ERC2: variants seen among roughly 807,000 people sequenced by gnomAD.
ERC2 encodes the protein ERC protein 2.
ERC2 carries 42 observed loss-of-function variants against 114.8 expected under a neutral mutation model. The observed-to-expected ratio is 0.37, with a 90% CI of 0.29 to 0.47. The LOEUF (loss-of-function observed/expected upper bound fraction) is 0.47, where lower values mean the gene tolerates loss of function less well. Among genes scored for constraint, ERC2 ranks in the 20% least tolerant of loss-of-function variants. ERC2 has a pLI of 0.99. For synonymous variants in ERC2, 454 were observed against 425.5 expected (o/e 1.07, Z -0.82); for missense variants, 939 against 1,150.7 (o/e 0.82, Z 2.66).
chr3:55,813,948 G>C (rs1329060464), intron 14 of ERC2, among the ~76,000 whole-genome samples: 1 of 152,120 alleles, frequency 6.6e-6, no homozygotes. Flanking sequence ...TACTGGGAAT[G>C]CTACAAAACC....
chr3:56,144,982 C>A (rs183321298), intron 5 of ERC2, among the ~76,000 whole-genome samples: 105 of 152,190 alleles, frequency 6.9e-4, no homozygotes, highest in Middle Eastern at 3.4e-3. Flanking sequence ...CTGTGACAGC[C>A]AGAAGAAAAG....
intron 3 of ERC2, among the ~76,000 whole-genome samples, chr3:56,215,706 C>CACT (rs2049416457): frequency 6.6e-6 from 1 of 152,212 alleles, no homozygotes; most frequent in Admixed American, 6.5e-5. Context: ...CTCAACACCA[C>CACT]ACTGCGCTTA....
At chr3:56,368,175 C>CT (rs750386743) in intron 2 of ERC2, among the ~76,000 whole-genome samples, 196 of 135,024 alleles carry the variant, frequency 1.5e-3, no homozygotes, top group South Asian at 2.7e-3. Context: ...TGAAATTATT[C>CT]TTTTTTTTTT....
chr3:55,580,043 A>G (rs1301192521), intron 17 of ERC2, among the ~76,000 whole-genome samples: 1 of 152,256 alleles, frequency 6.6e-6, no homozygotes, highest in Non-Finnish European at 1.5e-5. Flanking sequence ...AGAATTCAAA[A>G]GGTGATATGA....
In ERC2 at chr3:56,266,138, T is replaced by C. The variant is rs560161722; in HGVS notation, c.1074+29881A>G. Among the ~76,000 whole-genome samples, 8 of 147,774 alleles carry C rather than the reference T, an allele frequency of 5.4e-5. No homozygotes were observed. In the South Asian group the frequency reaches 1.5e-3, roughly 28 times the overall value. On this transcript the variant is annotated intron_variant, in intron 3 of 17. Transcript: ENST00000288221. Reference sequence around the variant, plus strand: ...AAAAACACAAATAACTAGATTTTTTTTTTTTTTTTTGAGACGGAGTCTTGC... The same window carrying C: ...AAAAACACAAATAACTAGATTTTTTCTTTTTTTTTTGAGACGGAGTCTTGC...
chr3:56,417,243 A>C (rs562731357), intron 2 of ERC2, among the ~76,000 whole-genome samples: 10 of 152,204 alleles, frequency 6.6e-5, no homozygotes, highest in Non-Finnish European at 1.5e-4. Context: ...TTCAGATAAT[A>C]GTGTTTACTG....
intron 3 of ERC2, among the ~76,000 whole-genome samples, chr3:56,290,629 T>C (rs1288816924): frequency 6.6e-6 from 1 of 152,152 alleles, no homozygotes; most frequent in African/African-American, 2.4e-5. Flanking sequence ...AAGGAAATCA[T>C]GTGGTTTTGA....
chr3:55,999,499 A>G (rs978819543), intron 10 of ERC2, among the ~76,000 whole-genome samples: 1 of 152,128 alleles, frequency 6.6e-6, no homozygotes, highest in Admixed American at 6.6e-5. Flanking sequence ...TATCTTATTT[A>G]ACAAAAAACA....
intron 15 of ERC2, among the ~76,000 whole-genome samples, chr3:55,703,497 G>C (rs1327182611): frequency 6.6e-6 from 1 of 152,200 alleles, no homozygotes; most frequent in African/African-American, 2.4e-5. Context: ...CCACCCCCCT[G>C]GGTCTCTGCC....
intron 2 of ERC2, among the ~76,000 whole-genome samples, chr3:56,390,311 T>G (rs1311397536): frequency 6.6e-6 from 1 of 152,202 alleles, no homozygotes; most frequent in East Asian, 1.9e-4. Context: ...TTTCCAATAA[T>G]GCTCTTATTT....
intron 4 of ERC2, among the ~76,000 whole-genome samples, chr3:56,153,483 C>T (rs1365434175): frequency 6.6e-6 from 1 of 152,170 alleles, no homozygotes; most frequent in Non-Finnish European, 1.5e-5. Context: ...CTGACCAATG[C>T]AGAAGACACT....
intron 2 of ERC2, among the ~76,000 whole-genome samples, chr3:56,376,567 AG>A (rs2059549340): frequency 6.6e-6 from 1 of 152,126 alleles, no homozygotes; most frequent in South Asian, 2.1e-4. Context: ...GTTTGAGACC[AG>A]CCTGACCAAC....
chr3:55,895,842 C>T (rs898079585), intron 13 of ERC2, among the ~76,000 whole-genome samples: 2 of 152,172 alleles, frequency 1.3e-5, no homozygotes, highest in African/African-American at 2.4e-5. Context: ...CCTTCGCCAT[C>T]CTCAACAAAT....
At chr3:55,564,038 T>TTC (rs2056206400) in intron 17 of ERC2, among the ~76,000 whole-genome samples, 1 of 152,172 alleles carries the variant, frequency 6.6e-6, no homozygotes, top group Non-Finnish European at 1.5e-5. Flanking sequence ...GAATTCACAA[T>TTC]CTAATTTGTG....
intron 2 of ERC2, among the ~76,000 whole-genome samples, chr3:56,327,313 C>A (rs1025740485): frequency 6.6e-6 from 1 of 152,156 alleles, no homozygotes; most frequent in Admixed American, 6.5e-5. Flanking sequence ...GAAGGAACTA[C>A]CAAACACTTA....
At chr3:55,521,171 T>G (rs2052906426) in intron 17 of ERC2, among the ~76,000 whole-genome samples, 2 of 152,208 alleles carry the variant, frequency 1.3e-5, no homozygotes, top group African/African-American at 2.4e-5. Context: ...CGTTTGAAGA[T>G]CAAGGTTTTG....
intron 14 of ERC2, among the ~76,000 whole-genome samples, chr3:55,787,273 G>C (rs1372286958): frequency 6.6e-6 from 1 of 152,030 alleles, no homozygotes; most frequent in Non-Finnish European, 1.5e-5. Context: ...AAAATTAGCT[G>C]GGTGTGGTGG....
chr3:55,888,646 C>T (rs1466603094), intron 13 of ERC2, 97 bp from the exon 14 acceptor site: 2 of 1,453,626 alleles, frequency 1.4e-6, no homozygotes, highest in East Asian at 2.3e-5. Context: ...ACAAAGGAAT[C>T]ACAGGGATCC....
At chr3:55,658,134 C>T (rs1458021183) in intron 17 of ERC2, 1 of 152,176 alleles carries the variant, frequency 6.6e-6, no homozygotes, top group Non-Finnish European at 1.5e-5. Flanking sequence ...TGGCTTTGGG[C>T]ACAGGTGAAT....
Sources: gnomAD v4.1 joint callset for allele counts (sites outside exome capture counted in the v4.1 genomes callset) on GRCh38, gnomAD v4.1.1 for gene constraint, MANE v1.5 for transcripts, NCBI Gene and HGNC (gene_info 2026-07-23, HGNC 2026-07-21) for gene names.